The following RUNX1T1 variants were observed in gnomAD, a reference collection of about 807,000 sequenced individuals.
RUNX1T1 encodes protein CBFA2T1.
RUNX1T1 carries 4 observed loss-of-function variants against 62.8 expected under a neutral mutation model. The observed-to-expected ratio is 0.06, with a 90% confidence interval of 0.03 to 0.15. The LOEUF (loss-of-function observed/expected upper bound fraction) is 0.15. Among genes scored for constraint, RUNX1T1 ranks in the 10% least tolerant of loss-of-function variants. The pLI, the probability that RUNX1T1 is intolerant of heterozygous loss-of-function variation, is 1.00. For synonymous variants in RUNX1T1, 291 were observed against 286.0 expected (o/e 1.02, Z -0.18); for missense variants, 508 against 754.3 (o/e 0.67, Z 3.82).
intron 4 of RUNX1T1, chr8:92,006,447 G>A (rs1243348397): frequency 6.6e-6 from 1 of 152,226 alleles, no homozygotes; most frequent in Admixed American, 6.5e-5. Context: ...TAACCCATCA[G>A]GTAGAAAAGC....
At chr8:92,095,223 C>A in intron 1 of RUNX1T1, 1 of 1,533,146 alleles carries the variant, frequency 6.5e-7, no homozygotes, top group Non-Finnish European at 8.7e-7. Flanking sequence ...CTGGTCTTAT[C>A]GACTTCTGAA....
At position 91,986,738 on chromosome 8, in the gene RUNX1T1, T is replaced by C. The variant is rs777321930; in HGVS notation, c.996+149A>G. On this transcript the variant is annotated intron_variant, in intron 7 of 10. Coordinates refer to ENST00000396218, the Ensembl canonical transcript of RUNX1T1. ...AATTTAGAAATCAAATCCTATATTC[T>C]ACTTCAGATATTCTCGCTCATTTTT... 27 of 632,030 alleles carry C rather than the reference T, an allele frequency of 4.3e-5. No individual in the cohort carries two copies. The South Asian group carries it at 5.1e-4, about 12-fold the overall frequency. The allele number at this position is 632,030 out of a possible 1,614,324, so 39.2% of individuals were successfully genotyped here. A position where few individuals can be genotyped will look rare whatever the true frequency, so the allele number is the denominator to read the frequency against.
chr8:92,044,072 T>C (rs910435916), intron 1 of RUNX1T1, among the ~76,000 whole-genome samples: 1 of 151,488 alleles, frequency 6.6e-6, no homozygotes. Context: ...TTACTATCCA[T>C]GATAACAGGA....
At chr8:92,066,135 T>A (rs556228633), upstream of RUNX1T1, among the ~76,000 whole-genome samples, 239 of 152,296 alleles carry the variant, frequency 1.6e-3, no homozygotes, top group Middle Eastern at 3.4e-3. Flanking sequence ...GAATAAGGCT[T>A]ATTCTGACTT....
At chr8:92,030,801 C>T (rs1329407114) in intron 1 of RUNX1T1, among the ~76,000 whole-genome samples, 1 of 152,184 alleles carries the variant, frequency 6.6e-6, no homozygotes. Flanking sequence ...TGGACCCTGG[C>T]CCTTCCTCAT....
intron 1 of RUNX1T1, chr8:92,095,129 T>C: frequency 6.5e-7 from 1 of 1,535,606 alleles, no homozygotes; most frequent in Non-Finnish European, 8.7e-7. Context: ...CAGATTTCTC[T>C]TTCTCACTCT....
chr8:91,990,645 C>T (rs1817479738), intron 6 of RUNX1T1, among the ~76,000 whole-genome samples: 1 of 145,610 alleles, frequency 6.9e-6, no homozygotes, highest in Non-Finnish European at 1.5e-5. Flanking sequence ...TGCTTTACTA[C>T]TTTTTTTTTT....
intron 4 of RUNX1T1, among the ~76,000 whole-genome samples, chr8:92,008,530 C>A (rs1388799546): frequency 6.6e-6 from 1 of 151,950 alleles, no homozygotes; most frequent in Non-Finnish European, 1.5e-5. Flanking sequence ...CATATTCCTT[C>A]TGTTAAGAAT....
chr8:92,065,812 C>T (rs568839150), upstream of RUNX1T1, among the ~76,000 whole-genome samples: 1 of 152,192 alleles, frequency 6.6e-6, no homozygotes, highest in African/African-American at 2.4e-5. Context: ...GTCTTCTCAA[C>T]TTTCCTCTCG....
At chr8:92,017,360 C>G (rs369593131) in exon 2 of RUNX1T1, 2 of 1,613,862 alleles carry the variant, frequency 1.2e-6, no homozygotes, top group Middle Eastern at 3.3e-4. Flanking sequence ...CTTCTCAGTA[C>G]GATCTGGAGG....
At chr8:92,097,023 G>T (rs1187631532) in intron 1 of RUNX1T1, among the ~76,000 whole-genome samples, 2 of 151,874 alleles carry the variant, frequency 1.3e-5, no homozygotes, top group East Asian at 3.9e-4. Flanking sequence ...CCCAAGAATA[G>T]AATTAAAAGA....
intron 1 of RUNX1T1, chr8:92,095,021 T>A: frequency 1.3e-6 from 2 of 1,533,132 alleles, no homozygotes; most frequent in Non-Finnish European, 1.7e-6. Flanking sequence ...CCCTCCGGTA[T>A]TCTCACCTCG....
chr8:91,980,912 T>C (rs1815082964), intron 8 of RUNX1T1, among the ~76,000 whole-genome samples: 1 of 152,042 alleles, frequency 6.6e-6, no homozygotes, highest in African/African-American at 2.4e-5. Flanking sequence ...ACTCAAGGGA[T>C]CCTCTCACCT....
chr8:91,985,259 G>A (rs1207110606), intron 8 of RUNX1T1, among the ~76,000 whole-genome samples: 4 of 152,162 alleles, frequency 2.6e-5, no homozygotes. Context: ...CACACGTAAT[G>A]GGTGGCAATG....
chr8:91,991,178 G>A (rs373852857), intron 6 of RUNX1T1, among the ~76,000 whole-genome samples: 1 of 149,882 alleles, frequency 6.7e-6, no homozygotes, highest in African/African-American at 2.5e-5. Context: ...ATCACACTTT[G>A]GAAATATGGA....
At chr8:92,095,370 A>AGCGGCC (rs1837640045) in intron 1 of RUNX1T1, 11 of 1,535,160 alleles carry the variant, frequency 7.2e-6, no homozygotes, top group Non-Finnish European at 8.7e-6. Flanking sequence ...AGCGCGGGAG[A>AGCGGCC]GCGGCCGCGG....
At chr8:91,973,000 A>C (rs552800498) in intron 9 of RUNX1T1, among the ~76,000 whole-genome samples, 1 of 152,066 alleles carries the variant, frequency 6.6e-6, no homozygotes, top group African/African-American at 2.4e-5. Context: ...GCCTTGAACA[A>C]TTTTTTGGAT....
intron 2 of RUNX1T1, among the ~76,000 whole-genome samples, chr8:92,075,542 G>GT (rs988927208): frequency 1.3e-5 from 2 of 152,142 alleles, no homozygotes; most frequent in Non-Finnish European, 2.9e-5. Context: ...CTGAAAGGCA[G>GT]TTTTTTGCCT....
exon 11 of RUNX1T1, chr8:91,959,684 C>T (rs113962707): frequency 6.1e-5 from 14 of 227,988 alleles, no homozygotes; most frequent in Admixed American, 2.8e-4. Context: ...CACATCTGCG[C>T]GTTTTGTAGC....
Sources: allele counts gnomAD v4.1 joint callset (sites outside exome capture counted in the v4.1 genomes callset), GRCh38; gene constraint gnomAD v4.1.1; transcripts MANE v1.5; gene names NCBI Gene and HGNC (gene_info 2026-07-23, HGNC 2026-07-21).